The following DTWD2 variants were observed in gnomAD, a reference collection of about 807,000 sequenced individuals.
DTWD2 encodes tRNA-uridine aminocarboxypropyltransferase 2.
In DTWD2, 39 loss-of-function variants were observed where a neutral mutation model predicts 31.8. The ratio of observed to expected loss-of-function variants is 1.22; its 90% confidence interval spans 0.95 to 1.60. DTWD2 has a LOEUF of 1.60. Ranked by LOEUF, DTWD2 falls within the 40% of genes most tolerant of loss-of-function variation. The probability of loss-of-function intolerance (pLI) is 0.00; values close to 1 mark genes in which losing one functional copy is unlikely to be tolerated. For synonymous variants in DTWD2, 180 were observed against 142.8 expected (o/e 1.26, Z -1.86); for missense variants, 515 against 381.5 (o/e 1.35, Z -2.92).
chr5:118,898,678 G>T (rs1554065466), intron 4 of DTWD2, among the ~76,000 whole-genome samples: 1 of 143,348 alleles, frequency 7.0e-6, no homozygotes, highest in African/African-American at 2.6e-5. Context: ...AAAAAAAAAT[G>T]AGAATGAGAA....
intron 4 of DTWD2, among the ~76,000 whole-genome samples, chr5:118,881,131 G>A (rs1050903714): frequency 1.1e-4 from 17 of 152,122 alleles, no homozygotes; most frequent in African/African-American, 4.1e-4. Context: ...TAACATGCTA[G>A]CTACCTTGTG....
intron 4 of DTWD2, among the ~76,000 whole-genome samples, chr5:118,866,825 G>A (rs1246112061): frequency 6.6e-6 from 1 of 151,912 alleles, no homozygotes; most frequent in East Asian, 1.9e-4. Context: ...GCTAAGGCAG[G>A]AGAATCACTT....
At chr5:118,884,410 A>T (rs962177730) in intron 4 of DTWD2, among the ~76,000 whole-genome samples, 105 of 152,332 alleles carry the variant, frequency 6.9e-4, no homozygotes, top group African/African-American at 2.4e-3. Context: ...TATGAACCAC[A>T]TCAGTAACAC....
chr5:118,921,079 A>C (rs529719149), intron 4 of DTWD2, among the ~76,000 whole-genome samples: 15 of 152,262 alleles, frequency 9.9e-5, no homozygotes, highest in African/African-American at 3.6e-4. Flanking sequence ...CATACACCCA[A>C]TGGAAGCAAA....
In DTWD2 at chr5:118,840,572, CACA is replaced by C; in HGVS notation, c.*342_*344del. ...CTAATTATTTATAAACATTAATGGA[CACA>C]ACACCGTTCCAATCCACTACAACAA... is the stretch of plus-strand genomic sequence containing the variant. On this transcript the variant is annotated 3_prime_UTR_variant, in exon 6 of 6. Transcript: ENST00000510708. 6.0e-6 allele frequency: 1 copy of C among 165,946 alleles called. No homozygotes were observed. The highest frequency in any genetic ancestry group is 6.3e-5 in the Admixed American group (1 of 15,818). The allele number at this position is 165,946 out of a possible 1,614,324, so 10.3% of individuals were successfully genotyped here. A position where few individuals can be genotyped will look rare whatever the true frequency, so the allele number is the denominator to read the frequency against.
chr5:118,875,071 G>A (rs1752591423), intron 4 of DTWD2, among the ~76,000 whole-genome samples: 1 of 152,080 alleles, frequency 6.6e-6, no homozygotes, highest in Admixed American at 6.6e-5. Flanking sequence ...ATTTCTTAAA[G>A]AAAAGAAATC....
rs1453796697 is a variant in DTWD2, at chr5:118,928,694, C to T, written c.440G>A (p.Gly147Asp). The change falls in exon 4 of 6, where the codon GGT becomes GAT. Residue 147 changes from glycine (G) to aspartate (D), a missense_variant. Coordinates refer to ENST00000510708, the MANE Select transcript of DTWD2 (RefSeq NM_173666.4). ...AGCCCCTGGATATAATATTAATGTA[C>T]CAGACTTCCGGCAAACAGTTGAAAG... is the stretch of plus-strand genomic sequence containing the variant. ...PELSTVCRKS[G>D]TLILYPGAEA... 4 of 1,577,868 alleles carry T rather than the reference C, an allele frequency of 2.5e-6. No homozygotes were observed. Among genetic ancestry groups the T allele is most frequent in the Middle Eastern group, 1.7e-4 (1 of 5,918 alleles).
At chr5:118,866,994 T>C (rs1752395380) in intron 4 of DTWD2, among the ~76,000 whole-genome samples, 14 of 152,044 alleles carry the variant, frequency 9.2e-5, no homozygotes. Flanking sequence ...TACATTATAG[T>C]TGTTGTTGTT....
chr5:118,893,890 C>A (rs1055424659), intron 4 of DTWD2, among the ~76,000 whole-genome samples: 2 of 152,092 alleles, frequency 1.3e-5, no homozygotes, highest in Non-Finnish European at 2.9e-5. Context: ...TGCCAACAAG[C>A]CAAATGACAA....
intron 1 of DTWD2, among the ~76,000 whole-genome samples, chr5:118,965,108 GA>G (rs1205662717): frequency 6.6e-6 from 1 of 151,886 alleles, no homozygotes; most frequent in Non-Finnish European, 1.5e-5. Context: ...TCTGGGAGGT[GA>G]GGAGCGTCTC....
At chr5:118,954,876 C>G (rs959814544) in intron 1 of DTWD2, among the ~76,000 whole-genome samples, 1 of 152,072 alleles carries the variant, frequency 6.6e-6, no homozygotes, top group African/African-American at 2.4e-5. Flanking sequence ...TTTTCTCCTC[C>G]TATACAATTT....
At chr5:118,843,993 T>G (rs544059620) in intron 5 of DTWD2, among the ~76,000 whole-genome samples, 3 of 152,328 alleles carry the variant, frequency 2.0e-5, no homozygotes, top group Admixed American at 1.3e-4. Flanking sequence ...ACCACCTTCC[T>G]TGCTCCTTCC....
At chr5:118,941,267 GC>G (rs1754192667) in intron 2 of DTWD2, among the ~76,000 whole-genome samples, 1 of 152,086 alleles carries the variant, frequency 6.6e-6, no homozygotes, top group South Asian at 2.1e-4. Flanking sequence ...ATGTTGGTGT[GC>G]TGCACCCATT....
At chr5:118,914,618 T>C (rs1418479778) in intron 4 of DTWD2, among the ~76,000 whole-genome samples, 1 of 152,238 alleles carries the variant, frequency 6.6e-6, no homozygotes, top group Non-Finnish European at 1.5e-5. Context: ...TCATGGAATT[T>C]ACAGTCTAAT....
chr5:118,983,175 G>T (rs1755345210), intron 1 of DTWD2, among the ~76,000 whole-genome samples: 1 of 152,098 alleles, frequency 6.6e-6, no homozygotes, highest in East Asian at 1.9e-4. Context: ...GCCTATAGGG[G>T]GCCAGCAGTT....
intron 1 of DTWD2, among the ~76,000 whole-genome samples, chr5:118,977,505 C>T (rs894089667): frequency 1.3e-5 from 2 of 152,154 alleles, no homozygotes; most frequent in Non-Finnish European, 2.9e-5. Flanking sequence ...GATATAAAAT[C>T]AATGTGCAAA....
chr5:118,863,195 T>C (rs1396852596), intron 4 of DTWD2, among the ~76,000 whole-genome samples: 6 of 152,258 alleles, frequency 3.9e-5, no homozygotes, highest in African/African-American at 1.2e-4. Context: ...TTTAACTTTA[T>C]ACTTTGTATT....
At chr5:118,927,826 T>C (rs1753841949) in intron 4 of DTWD2, among the ~76,000 whole-genome samples, 1 of 152,142 alleles carries the variant, frequency 6.6e-6, no homozygotes, top group Non-Finnish European at 1.5e-5. Flanking sequence ...AATTCTAGTA[T>C]TATTTAAACT....
At chr5:118,934,471 GTTC>G (rs575495337) in intron 3 of DTWD2, among the ~76,000 whole-genome samples, 7 of 151,564 alleles carry the variant, frequency 4.6e-5, no homozygotes, top group Non-Finnish European at 1.0e-4. Context: ...TTTTTATAAG[GTTC>G]TTATGTTATA....
Sources: gnomAD v4.1 joint callset for allele counts (sites outside exome capture counted in the v4.1 genomes callset) on GRCh38, gnomAD v4.1.1 for gene constraint, MANE v1.5 for transcripts, NCBI Gene and HGNC (gene_info 2026-07-23, HGNC 2026-07-21) for gene names.